Variants in ZNF846 observed in about 807,000 individuals in gnomAD.
ZNF846 encodes zinc finger protein 846, also known as zinc finger protein 420 pseudogene.
A neutral mutation model predicts 16.0 loss-of-function variants in ZNF846; 15 were observed. That is an observed-to-expected ratio of 0.94 (90% CI 0.63 to 1.45). ZNF846 has a LOEUF of 1.45. Ranked by LOEUF, ZNF846 falls within the 40% of genes most tolerant of loss-of-function variation. ZNF846 has a pLI of 0.00. For missense variants in ZNF846, 714 were observed against 622.3 expected (o/e 1.15, Z -1.57); for synonymous variants, 229 against 212.0 (o/e 1.08, Z -0.70).
At chr19:9,774,354 G>A in intron 1 of ZNF846, 2 of 477,800 alleles carry the variant, frequency 4.2e-6, no homozygotes, top group Non-Finnish European at 7.6e-6. Flanking sequence ...TGTAGTCCCA[G>A]CTACTCGGGA....
chr19:9,781,870 C>G (rs187545866), intron 1 of ZNF846, among the ~76,000 whole-genome samples: 1 of 151,522 alleles, frequency 6.6e-6, no homozygotes, highest in Admixed American at 6.6e-5. Context: ...CCTCCGCCTC[C>G]GGGTTCAAGG....
Position 9,764,864 on chromosome 19 carries a change from C to T in ZNF846, c.15+72G>A, listed in dbSNP as rs375084535. 1,973 of 1,555,182 alleles carry T rather than the reference C, an allele frequency of 1.3e-3. 31 individuals are homozygous for T. In the South Asian group the frequency reaches 0.016, roughly 12 times the overall value. On this transcript the variant is annotated intron_variant, in intron 2 of 5. Coordinates refer to ENST00000397902, the Ensembl canonical transcript of ZNF846. Reference sequence around the variant, plus strand: ...CATTTCTTTAAGATGCTTGAATACACGATAACAAGGTAAGGCTACCGATGA... The same window carrying T: ...CATTTCTTTAAGATGCTTGAATACATGATAACAAGGTAAGGCTACCGATGA...
At chr19:9,783,728 C>T (rs988180399) in intron 1 of ZNF846, among the ~76,000 whole-genome samples, 1 of 149,884 alleles carries the variant, frequency 6.7e-6, no homozygotes, top group East Asian at 2.0e-4. Context: ...CTTACTCTGT[C>T]GCCTGGATGG....
intron 1 of ZNF846, among the ~76,000 whole-genome samples, chr19:9,765,788 T>C (rs549037871): frequency 6.6e-6 from 1 of 151,890 alleles, no homozygotes; most frequent in Non-Finnish European, 1.5e-5. Context: ...ATACTCTAAT[T>C]GTCCAGGGGG....
At chr19:9,782,110 T>C (rs574148814) in intron 1 of ZNF846, among the ~76,000 whole-genome samples, 1 of 152,070 alleles carries the variant, frequency 6.6e-6, no homozygotes, top group East Asian at 1.9e-4. Context: ...AATCCAGAGA[T>C]AGAAGAACTT....
intron 1 of ZNF846, among the ~76,000 whole-genome samples, chr19:9,778,709 G>A (rs966190082): frequency 1.3e-5 from 2 of 151,226 alleles, no homozygotes; most frequent in East Asian, 1.9e-4. Flanking sequence ...AGGCTGAGAC[G>A]GGAGAATTGC....
intron 1 of ZNF846, among the ~76,000 whole-genome samples, chr19:9,780,508 G>A (rs954841035): frequency 6.6e-6 from 1 of 151,880 alleles, no homozygotes; most frequent in African/African-American, 2.4e-5. Context: ...GGAGTGCAGT[G>A]GTGTGATCTC....
Position 9,752,426 on chromosome 19 carries a change from G to C in ZNF846, c.*13C>G, listed in dbSNP as rs377090156. Reference sequence around the variant, plus strand: ...AGTTTGACACCAGCCTGGACAACATGATGAAACTTCGTCTCTACAAAAAAA... The same window carrying C: ...AGTTTGACACCAGCCTGGACAACATCATGAAACTTCGTCTCTACAAAAAAA... On this transcript the variant is annotated 3_prime_UTR_variant, in exon 6 of 6. Coordinates refer to the ZNF846 transcript ENST00000588267. 1.2e-4 allele frequency: 51 copies of C among 414,308 alleles called. No homozygotes were observed. The East Asian group carries it at 2.2e-3, about 18-fold the overall frequency. The allele number at this position is 414,308 out of a possible 1,614,324, so 25.7% of individuals were successfully genotyped here. A position where few individuals can be genotyped will look rare whatever the true frequency, so the allele number is the denominator to read the frequency against.
chr19:9,778,520 G>C (rs1197392218), intron 1 of ZNF846, among the ~76,000 whole-genome samples: 2 of 152,044 alleles, frequency 1.3e-5, no homozygotes, highest in African/African-American at 4.8e-5. Context: ...GAAACCATGA[G>C]GGGGCCGGGC....
downstream of ZNF846, among the ~76,000 whole-genome samples, chr19:9,749,188 A>C (rs2045065637): frequency 6.6e-6 from 1 of 152,186 alleles, no homozygotes; most frequent in Non-Finnish European, 1.5e-5. Context: ...TTTCTGAAGA[A>C]CAGTAATAGC....
chr19:9,776,972 G>C (rs1599401598), intron 1 of ZNF846, among the ~76,000 whole-genome samples: 1 of 151,904 alleles, frequency 6.6e-6, no homozygotes, highest in Non-Finnish European at 1.5e-5. Flanking sequence ...CCTTTTTATA[G>C]CTGGAGGGTT....
chr19:9,758,359 G>T, exon 6 of ZNF846: 1 of 1,612,698 alleles, frequency 6.2e-7, no homozygotes, highest in Non-Finnish European at 8.5e-7. Context: ...CCTATAAGGT[G>T]TGAGGAATTA....
At chr19:9,786,059 T>C (rs1366776104) in exon 1 of ZNF846, 11 of 151,842 alleles carry the variant, frequency 7.2e-5, no homozygotes, top group Admixed American at 7.2e-4. Context: ...AACTGAGGGC[T>C]CTGGACCCGG....
chr19:9,762,274 G>A, intron 3 of ZNF846, 106 bp from the exon 4 acceptor site: 1 of 778,854 alleles, frequency 1.3e-6, no homozygotes, highest in Non-Finnish European at 2.2e-6. Context: ...AGATGGTCAA[G>A]TGTAACTTTA....
intron 4 of ZNF846, 110 bp downstream of exon 4, chr19:9,761,972 A>G: frequency 1.2e-6 from 1 of 812,690 alleles, no homozygotes; most frequent in Middle Eastern, 2.4e-4. Flanking sequence ...CAGCCTTCTC[A>G]GGAAGAAGAG....
chr19:9,769,147 C>G (rs1299830022), upstream of ZNF846, among the ~76,000 whole-genome samples: 1 of 152,120 alleles, frequency 6.6e-6, no homozygotes, highest in East Asian at 1.9e-4. Context: ...TGCAGTGGCT[C>G]GGTCATAGAT....
At chr19:9,761,876 T>C (rs1287051301) in intron 4 of ZNF846, among the ~76,000 whole-genome samples, 1 of 152,090 alleles carries the variant, frequency 6.6e-6, no homozygotes, top group Non-Finnish European at 1.5e-5. Flanking sequence ...AGACAAACCT[T>C]TCTGAGAACA....
chr19:9,765,817 C>T (rs74594132), intron 1 of ZNF846, among the ~76,000 whole-genome samples: 18,399 of 150,488 alleles, frequency 0.12, 1,366 homozygotes, highest in Admixed American at 0.23. Flanking sequence ...GCCTGTAATC[C>T]TAACCCTTTG....
At chr19:9,783,115 T>G (rs369473718) in intron 1 of ZNF846, among the ~76,000 whole-genome samples, 1 of 151,516 alleles carries the variant, frequency 6.6e-6, no homozygotes, top group African/African-American at 2.4e-5. Context: ...TAAAGATGGG[T>G]TTTTACTATC....
Sources: gnomAD v4.1 joint callset for allele counts (sites outside exome capture counted in the v4.1 genomes callset) on GRCh38, gnomAD v4.1.1 for gene constraint, MANE v1.5 for transcripts, NCBI Gene and HGNC (gene_info 2026-07-23, HGNC 2026-07-21) for gene names.